The following LEMD2 variants were observed in gnomAD, a reference collection of about 807,000 sequenced individuals.
LEMD2 encodes LEM domain-containing protein 2.
A neutral mutation model predicts 58.8 loss-of-function variants in LEMD2; 34 were observed. That is an observed-to-expected ratio of 0.58 (90% confidence interval 0.44 to 0.77). The LOEUF is 0.77. Ranked by LOEUF, LEMD2 falls within the 30% of genes least tolerant of loss-of-function variation. The pLI, the probability that LEMD2 is intolerant of heterozygous loss-of-function variation, is 0.00. For missense variants in LEMD2, 629 were observed against 717.9 expected (o/e 0.88, Z 1.42); for synonymous variants, 298 against 308.9 (o/e 0.96, Z 0.37).
chr6:33,773,549 G>A (rs1465230131), intron 8 of LEMD2, among the ~76,000 whole-genome samples: 1 of 151,452 alleles, frequency 6.6e-6, no homozygotes, highest in Admixed American at 6.6e-5. Context: ...GTACGCATGG[G>A]AGCAGAAGGG....
In LEMD2 at chr6:33,776,981, C is replaced by A; in HGVS notation, c.1334G>T (p.Arg445Leu). 1 of 1,613,920 alleles carries A rather than the reference C, an allele frequency of 6.2e-7. No individual in the cohort carries two copies. Among genetic ancestry groups the A allele is most frequent in the Non-Finnish European group, 8.5e-7 (1 of 1,180,006 alleles). Residue 445 changes from arginine to leucine, a missense_variant, in exon 8 of 9, where the codon CGC (arginine) becomes CTC (leucine). This residue lies in a region of LEMD2 where 243 missense variants were observed against 336.8 expected (regional missense o/e 0.72). Coordinates refer to ENST00000293760, the MANE Select transcript of LEMD2 (RefSeq NM_181336.4). ...GCTCTGTGGAGGGATCAAGCTGTCG[C>A]GCACGTGCAGGATGCCTACATATGG... The part of the protein sequence containing the change: ...RYPYVGILHV[R>L]DSLIPPQSRR...
In LEMD2 at chr6:33,771,439, G is replaced by A. The variant is rs1178604075; in HGVS notation, c.*1189C>T. ...TTTATTAAGGAAACAAAAAATACCA[G>A]TAAGACTAGAGAGGGGTGGTTAATG... is the stretch of plus-strand genomic sequence containing the variant. On this transcript the variant is annotated 3_prime_UTR_variant, in exon 9 of 9. Transcript: ENST00000293760. 1 of 152,244 alleles carries A rather than the reference G, an allele frequency of 6.6e-6. No individual in the cohort carries two copies. Among genetic ancestry groups the A allele is most frequent in the Non-Finnish European group, 1.5e-5 (1 of 68,054 alleles). The allele number at this position is 152,244 out of a possible 1,614,324, so 9.4% of individuals were successfully genotyped here.
rs1767628490 is a variant in LEMD2, at chr6:33,784,377, G to C, written c.828C>G (p.Leu276=). The C allele has an allele frequency of 6.1e-6, 9 of 1,487,076 alleles. No homozygotes were observed. Among genetic ancestry groups the C allele is most frequent in the Non-Finnish European group, 8.2e-6 (9 of 1,100,284 alleles). The allele number at this position is 1,487,076 out of a possible 1,614,324, so 92.1% of individuals were successfully genotyped here. Residue 276 remains leucine, a synonymous_variant, in exon 3 of 9, where the codon CTC becomes CTG. Coordinates refer to ENST00000293760, the MANE Select transcript of LEMD2 (RefSeq NM_181336.4). ...KAALLELLHE[L]YNFLAIQAGN... ...CAGCTTGGATGGCCAGGAAATTGTA[G>C]AGTTCATGCAGCAGCTCCAGCAAGG...
At chr6:33,785,120 C>T (rs946776864) in intron 2 of LEMD2, among the ~76,000 whole-genome samples, 6 of 152,064 alleles carry the variant, frequency 3.9e-5, no homozygotes, top group Non-Finnish European at 7.4e-5. Context: ...CCGTCTTCAA[C>T]GACCGAAAAG....
intron 3 of LEMD2, chr6:33,781,399 T>C: frequency 2.0e-6 from 1 of 498,138 alleles, no homozygotes; most frequent in Admixed American, 3.7e-5. Context: ...ACTAAAAAGC[T>C]GCCCAATAGC....
chr6:33,782,473 T>C (rs1367188034), intron 3 of LEMD2, among the ~76,000 whole-genome samples: 1 of 152,212 alleles, frequency 6.6e-6, no homozygotes, highest in Admixed American at 6.5e-5. Context: ...CCTTCCTCCA[T>C]GAAGGTGCTG....
chr6:33,782,841 G>T (rs553341483), intron 3 of LEMD2, among the ~76,000 whole-genome samples: 1 of 152,178 alleles, frequency 6.6e-6, no homozygotes, highest in Non-Finnish European at 1.5e-5. Flanking sequence ...AGGGGTTGAG[G>T]ACTACTAGGG....
intron 4 of LEMD2, 22 bp from the exon 5 acceptor site, chr6:33,780,201 G>A (rs1767533842): frequency 1.3e-6 from 2 of 1,565,840 alleles, no homozygotes; most frequent in African/African-American, 2.7e-5. Flanking sequence ...CGCGGGAGAA[G>A]GTTAGTTCGG....
Position 33,778,192 on chromosome 6 carries a change from G to C in LEMD2, c.1156+50C>G, listed in dbSNP as rs770826587. 2.0e-6 allele frequency: 3 copies of C among 1,499,634 alleles called. No individual in the cohort carries two copies. 92.9% of individuals were successfully genotyped at this position (1,499,634 alleles called of 1,614,324 possible). On this transcript the variant is annotated intron_variant, in intron 6 of 8. Transcript: ENST00000293760. The surrounding 1 kb of genome is among the most constrained non-coding windows in gnomAD (Gnocchi z 4.7). ...TTCTATAGCTCATCATTCATGCCTA[G>C]GAGTATGCTTGACTGCACAGAAGGG...
At chr6:33,774,979 T>C (rs1180887049) in intron 8 of LEMD2, among the ~76,000 whole-genome samples, 1 of 150,218 alleles carries the variant, frequency 6.7e-6, no homozygotes, top group Non-Finnish European at 1.5e-5. Flanking sequence ...ACTGAATGAA[T>C]GAATGAATGA....
intron 2 of LEMD2, among the ~76,000 whole-genome samples, chr6:33,785,937 C>T (rs1406791561): frequency 6.6e-6 from 1 of 152,236 alleles, no homozygotes; most frequent in Non-Finnish European, 1.5e-5. Context: ...ATGAGTAAGA[C>T]AGTCAATGCA....
At chr6:33,776,641 T>C (rs1441947417) in intron 8 of LEMD2, 14 of 394,284 alleles carry the variant, frequency 3.6e-5, no homozygotes, top group Non-Finnish European at 5.8e-5. Context: ...AGGAGATCCT[T>C]CACTACTTGT....
chr6:33,783,458 G>A (rs1282355869), intron 3 of LEMD2, among the ~76,000 whole-genome samples: 1 of 152,180 alleles, frequency 6.6e-6, no homozygotes, highest in Non-Finnish European at 1.5e-5. Flanking sequence ...CCTAAGACCT[G>A]TCCTCTGACC....
intron 8 of LEMD2, among the ~76,000 whole-genome samples, chr6:33,773,514 G>A (rs746990130): frequency 5.9e-5 from 9 of 151,920 alleles, no homozygotes; most frequent in Non-Finnish European, 1.3e-4. Flanking sequence ...GACACCACAC[G>A]TGGAAAGACA....
chr6:33,780,360 G>C (rs575968540), intron 4 of LEMD2, 181 bp from the exon 5 acceptor site: 98 of 639,164 alleles, frequency 1.5e-4, no homozygotes, highest in African/African-American at 1.8e-5. Flanking sequence ...CAAGGAAGAG[G>C]CTATAACCAG....
At chr6:33,784,469 TGGGAGGG>T in intron 2 of LEMD2, 42 bp from the exon 3 acceptor site, 1 of 36,546 alleles carries the variant, frequency 2.7e-5, no homozygotes, top group Non-Finnish European at 5.4e-5. Flanking sequence ...GAGGGGTGGG[TGGGAGGG>T]GTCCGTCTGT....
chr6:33,779,804 TTGA>T (rs1297450071), intron 5 of LEMD2: 2 of 310,398 alleles, frequency 6.4e-6, no homozygotes, highest in African/African-American at 2.1e-5. Context: ...TGTGGTGTTG[TTGA>T]TGAATGAGAA....
At chr6:33,780,426 AG>A in intron 4 of LEMD2, 1 of 522,244 alleles carries the variant, frequency 1.9e-6, no homozygotes, top group South Asian at 2.0e-5. Context: ...GGCGGCCAAA[AG>A]AATATGATTC....
chr6:33,778,850 A>T lies in LEMD2; in HGVS notation c.1011-463T>A, dbSNP rs1257302482. The T allele has an allele frequency of 8.4e-6, 1 of 118,522 alleles. No homozygotes were observed. The highest frequency in any genetic ancestry group is 2.6e-5 in the African/African-American group (1 of 38,846). 7.3% of individuals were successfully genotyped at this position (118,522 alleles called of 1,614,324 possible). On this transcript the variant is annotated intron_variant, in intron 5 of 8. Coordinates refer to ENST00000293760, the MANE Select transcript of LEMD2 (RefSeq NM_181336.4). The surrounding 1 kb of genome is among the most constrained non-coding windows in gnomAD (Gnocchi z 4.7). Reference sequence around the variant, plus strand: ...AGATCATGGGGCATCCATGAGGCTCATGGGGAATCCGTGAGGCTCATGGGG... The same window carrying T: ...AGATCATGGGGCATCCATGAGGCTCTTGGGGAATCCGTGAGGCTCATGGGG...
Sources: gnomAD v4.1 joint callset for allele counts (sites outside exome capture counted in the v4.1 genomes callset) on GRCh38, gnomAD v4.1.1 for gene constraint, gnomAD v4.1.1 regional missense constraint, Gnocchi (gnomAD v3.1) non-coding constraint, MANE v1.5 for transcripts, NCBI Gene and HGNC (gene_info 2026-07-23, HGNC 2026-07-21) for gene names.